DYNC2I1: variants seen among roughly 807,000 people sequenced by gnomAD.
DYNC2I1 encodes cytoplasmic dynein 2 intermediate chain 1.
A neutral mutation model predicts 133.4 loss-of-function variants in DYNC2I1; 89 were observed. The observed-to-expected ratio is 0.67, with a 90% CI of 0.56 to 0.80. The LOEUF is 0.80. Among genes scored for constraint, DYNC2I1 ranks in the 30% least tolerant of loss-of-function variants. The pLI, the probability that DYNC2I1 is intolerant of heterozygous loss-of-function variation, is 0.00. For synonymous variants in DYNC2I1, 504 were observed against 484.3 expected, an observed-to-expected ratio of 1.04 and a Z score of -0.54; for missense variants, 1,291 against 1,314.5, an observed-to-expected ratio of 0.98 and a Z score of 0.28.
intron 10 of DYNC2I1, chr7:158,905,144 T>C (rs1297738888): frequency 1.9e-5 from 7 of 359,000 alleles, no homozygotes; most frequent in Admixed American, 1.0e-4. Context: ...CTTTTTCTTT[T>C]TTTTTTTTTT....
At chr7:158,863,703 TGTGGGGGGG>T (rs1842109395) in intron 1 of DYNC2I1, among the ~76,000 whole-genome samples, 1 of 20,646 alleles carries the variant, frequency 4.8e-5, no homozygotes, top group African/African-American at 2.2e-4. Context: ...TCCTGGTGTG[TGTGGGGGGG>T]GCGGTGAGCG....
chr7:158,919,105 T>C (rs1293574481), intron 15 of DYNC2I1, among the ~76,000 whole-genome samples: 2 of 152,246 alleles, frequency 1.3e-5, no homozygotes, highest in African/African-American at 4.8e-5. Context: ...CCACAGTAAT[T>C]TAAACATGTG....
intron 15 of DYNC2I1, 111 bp from the exon 16 acceptor site, chr7:158,922,266 C>T (rs1385793412): frequency 9.3e-7 from 1 of 1,072,112 alleles, no homozygotes; most frequent in Non-Finnish European, 1.4e-6. Context: ...GAAAGGACCA[C>T]GTTTGTTTCT....
At chr7:158,850,010 C>G in the DYNC2I1 span, among the ~76,000 whole-genome samples, 1 of 152,244 alleles carries the variant, frequency 6.6e-6, no homozygotes, top group Non-Finnish European at 1.5e-5. Flanking sequence ...AATCTGCCTC[C>G]CACTGCCATT....
chr7:158,878,963 T>C (rs1273757742), intron 4 of DYNC2I1, among the ~76,000 whole-genome samples: 1 of 93,080 alleles, frequency 1.1e-5, no homozygotes, highest in African/African-American at 4.2e-5. Flanking sequence ...CCAGGAGGAC[T>C]GACTGTGAGT....
At chr7:158,872,616 G>A (rs1316298105) in intron 3 of DYNC2I1, among the ~76,000 whole-genome samples, 2 of 151,792 alleles carry the variant, frequency 1.3e-5, no homozygotes, top group Non-Finnish European at 2.9e-5. Context: ...GACAGAGCGA[G>A]ACTCTGTCTC....
chr7:158,957,129 G>A (rs182992176), downstream of DYNC2I1, among the ~76,000 whole-genome samples: 3 of 152,350 alleles, frequency 2.0e-5, no homozygotes, highest in Admixed American at 2.0e-4. Context: ...ACATTCAGTG[G>A]AGGGTTTTGC....
chr7:158,871,644 C>G, intron 3 of DYNC2I1, 82 bp downstream of exon 3: 1 of 1,378,024 alleles, frequency 7.3e-7, no homozygotes, highest in Non-Finnish European at 9.6e-7. Flanking sequence ...CGCTGCCTCC[C>G]CTCCCTCTCT....
chr7:158,887,032 AT>A lies in DYNC2I1; in HGVS notation c.950del (p.Leu317Ter), dbSNP rs777778303. On this transcript the variant is annotated frameshift_variant, in exon 7 of 25. Coordinates refer to ENST00000407559, the MANE Select transcript of DYNC2I1 (RefSeq NM_018051.5). LOFTEE classifies it high-confidence loss of function. ...RDGTSSQHAE[N>X]LVRNHGKDKD... Reference sequence around the variant, plus strand: ...TGTTTGCTTTCCAGGCATGCTGAGAATTTAGTAAGGAATCATGGAAAAGATA... The same window carrying A: ...TGTTTGCTTTCCAGGCATGCTGAGAATTAGTAAGGAATCATGGAAAAGATA... 7.4e-6 allele frequency: 12 copies of A among 1,613,992 alleles called. No homozygotes were observed. The highest frequency in any genetic ancestry group is 1.7e-6 in the Non-Finnish European group (2 of 1,179,866).
chr7:158,863,122 TG>T (rs999104744), intron 1 of DYNC2I1, among the ~76,000 whole-genome samples: 5 of 36,934 alleles, frequency 1.4e-4, no homozygotes, highest in African/African-American at 4.6e-4. Context: ...TGGCTGGGGG[TG>T]GGGGGAGGGG....
chr7:158,848,519 A>C, the DYNC2I1 span, among the ~76,000 whole-genome samples: 4 of 152,214 alleles, frequency 2.6e-5, no homozygotes, highest in African/African-American at 9.6e-5. Context: ...AGGGAGTTAA[A>C]GGACTCGCCC....
chr7:158,857,653 T>C (rs1841418065), intron 1 of DYNC2I1, among the ~76,000 whole-genome samples: 1 of 150,596 alleles, frequency 6.6e-6, no homozygotes, highest in African/African-American at 2.5e-5. Flanking sequence ...TTCTCCTGCC[T>C]CAGTCTCCCG....
chr7:158,845,694 G>A, the DYNC2I1 span, among the ~76,000 whole-genome samples: 5 of 152,168 alleles, frequency 3.3e-5, no homozygotes, highest in Admixed American at 2.0e-4. Context: ...AAAGATGGTT[G>A]ACAGGGAAAT....
the DYNC2I1 span, among the ~76,000 whole-genome samples, chr7:158,848,932 A>AG: frequency 6.6e-6 from 1 of 152,124 alleles, no homozygotes; most frequent in Non-Finnish European, 1.5e-5. Context: ...CAAAAAAAAA[A>AG]AAATTGGGTG....
At chr7:158,918,891 T>A in intron 15 of DYNC2I1, 22 bp downstream of exon 15, 1 of 1,603,650 alleles carries the variant, frequency 6.2e-7, no homozygotes, top group Non-Finnish European at 8.5e-7. Context: ...TTCTCAAATA[T>A]GATTTTAAAT....
chr7:158,923,461 C>A, intron 16 of DYNC2I1, 110 bp from the exon 17 acceptor site: 1 of 1,455,686 alleles, frequency 6.9e-7, no homozygotes, highest in Non-Finnish European at 9.6e-7. Context: ...CTGCAGGTGA[C>A]TCCCGTGCAA....
rs1226258500 is a variant in DYNC2I1 at position 158,923,572 on chromosome 7, T to C, written c.2096T>C (p.Val699Ala). The change falls in exon 17 of 25, where the codon GTC (valine) becomes GCC (alanine). Residue 699 changes from valine to alanine, a missense_variant and splice_region_variant. Coordinates refer to ENST00000407559, the MANE Select transcript of DYNC2I1 (RefSeq NM_018051.5). ...PQKVLICESQ[V>A]TCCCLSPLKA... ...GCTTTCTGTGCCTTTGTCTTTTAGG[T>C]CACGTGTTGCTGCTTGAGCCCTTTG... The C allele has an allele frequency of 1.9e-6, 3 of 1,613,940 alleles. No individual in the cohort carries two copies. Among genetic ancestry groups the C allele is most frequent in the Non-Finnish European group, 1.7e-6 (2 of 1,179,918 alleles).
At chr7:158,942,387 G>C (rs1205498335) in intron 24 of DYNC2I1, among the ~76,000 whole-genome samples, 2 of 152,114 alleles carry the variant, frequency 1.3e-5, no homozygotes, top group African/African-American at 4.8e-5. Context: ...CCCACATCCC[G>C]GCCGGAGGCA....
intron 8 of DYNC2I1, among the ~76,000 whole-genome samples, chr7:158,891,939 G>A (rs549847807): frequency 2.1e-5 from 3 of 139,834 alleles, no homozygotes; most frequent in Admixed American, 7.0e-5. Context: ...GAAGAATTGC[G>A]GACGGGGCCT....
Sources: gnomAD v4.1 joint callset for allele counts (sites outside exome capture counted in the v4.1 genomes callset) on GRCh38, gnomAD v4.1.1 for gene constraint, MANE v1.5 for transcripts, NCBI Gene and HGNC (gene_info 2026-07-23, HGNC 2026-07-21) for gene names.